PTP4A1: variants seen among roughly 807,000 people sequenced by gnomAD.
PTP4A1 encodes the protein protein tyrosine phosphatase type IVA 1.
PTP4A1 carries 9 observed loss-of-function variants against 20.5 expected under a neutral mutation model. The observed-to-expected ratio is 0.44, with a 90% CI of 0.26 to 0.77. PTP4A1 has a LOEUF of 0.77. Among genes scored for constraint, PTP4A1 ranks in the 30% least tolerant of loss-of-function variants. PTP4A1 has a pLI of 0.19. For missense variants in PTP4A1, 137 were observed against 218.8 expected (o/e 0.63, Z 2.36); for synonymous variants, 78 against 67.4 (o/e 1.16, Z -0.77).
intron 2 of PTP4A1, among the ~76,000 whole-genome samples, chr6:63,538,071 A>C (rs1035565200): frequency 1.3e-5 from 2 of 152,390 alleles, no homozygotes; most frequent in South Asian, 4.1e-4. Flanking sequence ...ATTTTGCAAA[A>C]TAGTGGGAAA....
chr6:63,535,253 C>G (rs577136305), intron 2 of PTP4A1, among the ~76,000 whole-genome samples: 1 of 151,864 alleles, frequency 6.6e-6, no homozygotes, highest in African/African-American at 2.4e-5. Context: ...TCACTTGAGG[C>G]CAGGAGTTTG....
chr6:63,572,780 C>T (rs1777538122), intron 1 of PTP4A1, 61 bp downstream of exon 1: 3 of 398,252 alleles, frequency 7.5e-6, no homozygotes, highest in African/African-American at 4.1e-5. Flanking sequence ...CCCCCATCCC[C>T]GCTGTCGCCT....
At chr6:63,541,811 C>T (rs1435088129) in intron 2 of PTP4A1, among the ~76,000 whole-genome samples, 1 of 152,166 alleles carries the variant, frequency 6.6e-6, no homozygotes, top group Non-Finnish European at 1.5e-5. Context: ...AGCCAACCTC[C>T]TTACACCCTT....
chr6:63,541,026 AAAGGAAGGAAGGAAGG>A (rs60316277), intron 2 of PTP4A1, among the ~76,000 whole-genome samples: 1 of 146,466 alleles, frequency 6.8e-6, no homozygotes, highest in East Asian at 2.0e-4. Context: ...GGGAATGAAG[AAAGGAAGGAAGGAAGG>A]AAGGAAGGAA....
At chr6:63,529,217 G>GTGTATATATATATAT (rs1775344989) in intron 2 of PTP4A1, among the ~76,000 whole-genome samples, 3 of 146,582 alleles carry the variant, frequency 2.0e-5, no homozygotes, top group African/African-American at 7.5e-5. Flanking sequence ...ATATATATTT[G>GTGTATATATATATAT]CTAATAACTT....
chr6:63,559,799 A>G, intron 3 of PTP4A1, among the ~76,000 whole-genome samples: 1 of 152,082 alleles, frequency 6.6e-6, no homozygotes. Context: ...TCATGCATAT[A>G]ATACTAGCAC....
chr6:63,578,327 A>G, intron 2 of PTP4A1, 110 bp from the exon 3 acceptor site: 1 of 1,246,210 alleles, frequency 8.0e-7, no homozygotes, highest in Non-Finnish European at 1.0e-6. Flanking sequence ...TCTTTAAATG[A>G]TCTTCTGTTA....
rs1775331154 is a variant in PTP4A1 at position 63,529,137 on chromosome 6, G to GTATATATGTGTGTA, written c.-640+1060_-640+1061insGTGTGTATATATAT. On this transcript the variant is annotated intron_variant, in intron 2 of 3. Transcript: ENST00000639568. ...TATATATATGTATATATATGTGTGT[G>GTATATATGTGTGTA]TATATATATATGTATATATATGTGT... Among the ~76,000 whole-genome samples the GTATATATGTGTGTA allele has an allele frequency of 1.5e-5, 2 of 136,794 alleles. 1 individual carries two copies. The highest frequency in any genetic ancestry group is 5.5e-5 in the African/African-American group (2 of 36,312). The allele number at this position is 136,794 out of a possible 152,430, so 89.7% of individuals were successfully genotyped here. A position where few individuals can be genotyped will look rare whatever the true frequency, so the allele number is the denominator to read the frequency against.
upstream of PTP4A1, among the ~76,000 whole-genome samples, chr6:63,516,785 G>T (rs1323806562): frequency 6.6e-6 from 1 of 152,164 alleles, no homozygotes; most frequent in Non-Finnish European, 1.5e-5. Flanking sequence ...GAAAGGGGTA[G>T]GACTTCCTCT....
At chr6:63,526,569 G>T (rs1264305000) in intron 1 of PTP4A1, among the ~76,000 whole-genome samples, 1 of 151,620 alleles carries the variant, frequency 6.6e-6, no homozygotes, top group African/African-American at 2.4e-5. Flanking sequence ...CAGTACTTTG[G>T]GAGACCGAGG....
chr6:63,539,781 T>A (rs373463541), intron 2 of PTP4A1, among the ~76,000 whole-genome samples: 259 of 147,038 alleles, frequency 1.8e-3, no homozygotes, highest in African/African-American at 6.1e-3. Flanking sequence ...AAAAAAAAAA[T>A]TGGCAAAGGA....
At chr6:63,567,584 A>G (rs141588601), upstream of PTP4A1, among the ~76,000 whole-genome samples, 185 of 152,338 alleles carry the variant, frequency 1.2e-3, 3 homozygotes, top group African/African-American at 4.3e-3. Context: ...AGCACAGCAG[A>G]GTAGATTTAG....
intron 2 of PTP4A1, among the ~76,000 whole-genome samples, chr6:63,547,497 A>AGTTTTTT (rs1776245706): frequency 1.2e-5 from 1 of 82,396 alleles, no homozygotes; most frequent in African/African-American, 4.8e-5. Context: ...GCCAGGGGGG[A>AGTTTTTT]ATTTTTTTTT....
chr6:63,535,012 A>T (rs1395579382), intron 2 of PTP4A1, among the ~76,000 whole-genome samples: 1 of 152,054 alleles, frequency 6.6e-6, no homozygotes, highest in African/African-American at 2.4e-5. Flanking sequence ...GTGAGCCAAG[A>T]TCGCATCATT....
At chr6:63,577,241 ACTTAT>A (rs1197639894) in intron 2 of PTP4A1, among the ~76,000 whole-genome samples, 1 of 152,146 alleles carries the variant, frequency 6.6e-6, no homozygotes, top group African/African-American at 2.4e-5. Context: ...TATAGCTCTT[ACTTAT>A]CTTGTAAGAA....
chr6:63,532,391 A>G (rs1388749588), intron 2 of PTP4A1, among the ~76,000 whole-genome samples: 1 of 152,032 alleles, frequency 6.6e-6, no homozygotes, highest in African/African-American at 2.4e-5. Context: ...AATCTCCTCT[A>G]TGCTCACATA....
At chr6:63,554,394 C>G (rs1359867141) in intron 3 of PTP4A1, among the ~76,000 whole-genome samples, 1 of 152,172 alleles carries the variant, frequency 6.6e-6, no homozygotes, top group African/African-American at 2.4e-5. Context: ...AGTCCCAAAT[C>G]CTTAGAAGAC....
chr6:63,527,619 T>C (rs1184957580), intron 1 of PTP4A1, among the ~76,000 whole-genome samples: 1 of 152,224 alleles, frequency 6.6e-6, no homozygotes, highest in Non-Finnish European at 1.5e-5. Context: ...CGGTGACAAC[T>C]CTTCCATTTT....
At chr6:63,566,983 G>C (rs2149500096) in intron 3 of PTP4A1, among the ~76,000 whole-genome samples, 1 of 152,306 alleles carries the variant, frequency 6.6e-6, no homozygotes, top group Admixed American at 6.5e-5. Flanking sequence ...TTCATAAGAA[G>C]CAACTCCTCA....
Sources: gnomAD v4.1 joint callset for allele counts (sites outside exome capture counted in the v4.1 genomes callset) on GRCh38, gnomAD v4.1.1 for gene constraint, MANE v1.5 for transcripts, NCBI Gene and HGNC (gene_info 2026-07-23, HGNC 2026-07-21) for gene names.